The following PDXDC1 variants were observed in gnomAD, a reference collection of about 807,000 sequenced individuals.
The protein encoded by PDXDC1 is pyridoxal dependent decarboxylase domain containing 1, also known as pyridoxal-dependent decarboxylase domain-containing protein 1.
In PDXDC1, 42 loss-of-function variants were observed where a neutral mutation model predicts 100.1. That is an observed-to-expected ratio of 0.42 (90% confidence interval 0.33 to 0.54). PDXDC1 has a LOEUF of 0.54. Among genes scored for constraint, PDXDC1 ranks in the 20% least tolerant of loss-of-function variants. The pLI is 0.10. For missense variants in PDXDC1, 636 were observed against 979.2 expected (o/e 0.65, Z 4.68); for synonymous variants, 260 against 371.7 (o/e 0.70, Z 3.46).
At chr16:15,024,154 CTCTGTCCCT>C (rs1456086222) in intron 13 of PDXDC1, among the ~76,000 whole-genome samples, 1 of 152,280 alleles carries the variant, frequency 6.6e-6, no homozygotes, top group Non-Finnish European at 1.5e-5. Flanking sequence ...AGAAAGCCTG[CTCTGTCCCT>C]TCTTCCAATG....
At chr16:15,148,520 C>A in the PDXDC1 span, among the ~76,000 whole-genome samples, 6 of 151,064 alleles carry the variant, frequency 4.0e-5, no homozygotes, top group African/African-American at 1.5e-4. Flanking sequence ...ATAGCTGGGA[C>A]CACAGATGCA....
intron 16 of PDXDC1, among the ~76,000 whole-genome samples, chr16:15,101,924 C>T (rs1166697993): frequency 6.6e-6 from 1 of 152,016 alleles, no homozygotes; most frequent in Admixed American, 6.6e-5. Flanking sequence ...TCTTGGCTCA[C>T]CGCAACCTCC....
rs1413843596 is a variant in PDXDC1 at position 15,106,319 on chromosome 16, C to T, written c.1400-32560C>T. 7 of 1,015,142 alleles carry T rather than the reference C, an allele frequency of 6.9e-6. No individual in the cohort carries two copies. In the Admixed American group the frequency reaches 9.1e-5, roughly 13 times the overall value. 62.9% of individuals were successfully genotyped at this position (1,015,142 alleles called of 1,614,324 possible). A position where few individuals can be genotyped will look rare whatever the true frequency, so the allele number is the denominator to read the frequency against. Reference sequence around the variant, plus strand: ...AACGCTTGCGCACGTTGAAACATTTCCCTATGGATTACAATCACTTTCATC... The same window carrying T: ...AACGCTTGCGCACGTTGAAACATTTTCCTATGGATTACAATCACTTTCATC... On this transcript the variant is annotated intron_variant, in intron 16 of 16. Coordinates refer to the PDXDC1 transcript ENST00000535621.
chr16:15,062,858 G>T (rs1202045064), intron 16 of PDXDC1, among the ~76,000 whole-genome samples: 3 of 152,172 alleles, frequency 2.0e-5, no homozygotes, highest in Non-Finnish European at 4.4e-5. Flanking sequence ...AGTAAGACAC[G>T]GTTTTGGTGT....
chr16:15,062,649 C>A (rs2044760990), intron 16 of PDXDC1, among the ~76,000 whole-genome samples: 1 of 152,168 alleles, frequency 6.6e-6, no homozygotes, highest in African/African-American at 2.4e-5. Context: ...GCAATTTCAA[C>A]ATGAGTCAAC....
chr16:15,084,230 A>C (rs1352845793), intron 16 of PDXDC1, among the ~76,000 whole-genome samples: 1 of 152,192 alleles, frequency 6.6e-6, no homozygotes, highest in Non-Finnish European at 1.5e-5. Flanking sequence ...AAGTTAACAA[A>C]TAATCAACGG....
chr16:15,093,933 G>A, intron 16 of PDXDC1: 2 of 579,910 alleles, frequency 3.4e-6, no homozygotes, highest in South Asian at 4.4e-5. Flanking sequence ...GGGGCCTCCA[G>A]AACAGAGAAC....
At chr16:15,026,994 CA>C (rs1244230658) in intron 14 of PDXDC1, among the ~76,000 whole-genome samples, 2 of 151,906 alleles carry the variant, frequency 1.3e-5, no homozygotes, top group Non-Finnish European at 2.9e-5. Flanking sequence ...TCTTACTTCC[CA>C]CATATTTTGA....
intron 13 of PDXDC1, among the ~76,000 whole-genome samples, chr16:15,024,646 C>T (rs192731461): frequency 1.4e-4 from 22 of 152,360 alleles, no homozygotes; most frequent in African/African-American, 2.4e-4. Context: ...CTCTTGACCT[C>T]GTGATCCACC....
At chr16:15,128,052 A>C (rs2047841655) in intron 16 of PDXDC1, 9 of 1,605,814 alleles carry the variant, frequency 5.6e-6, no homozygotes, top group Non-Finnish European at 7.7e-6. Flanking sequence ...ACCGAAAGCC[A>C]GTCATTGACC....
At chr16:15,040,377 T>C (rs2043759732), downstream of PDXDC1, 1 of 318,920 alleles carries the variant, frequency 3.1e-6, no homozygotes, top group South Asian at 8.5e-5. Flanking sequence ...CCTACTGGTG[T>C]ACGGCCAGGG....
At chr16:15,097,550 G>A (rs1318220856) in intron 16 of PDXDC1, among the ~76,000 whole-genome samples, 1 of 150,630 alleles carries the variant, frequency 6.6e-6, no homozygotes, top group Non-Finnish European at 1.5e-5. Flanking sequence ...GCTGAGGCAG[G>A]AGAATGGCAT....
rs567285758 is a variant in PDXDC1 at position 15,096,735 on chromosome 16, C to T, written c.1400-42144C>T. Among the ~76,000 whole-genome samples the T allele has an allele frequency of 2.0e-4, 31 of 152,376 alleles. No homozygotes were observed. In the South Asian group the frequency reaches 5.6e-3, roughly 27 times the overall value. On this transcript the variant is annotated intron_variant, in intron 16 of 16. Coordinates refer to the PDXDC1 transcript ENST00000535621. ...TCTCATTGTCTAGCCCAAGTTAGAG[C>T]GCAATGGCGCGATCATGGCTCGTTG...
chr16:15,100,458 C>G (rs1299257891), intron 16 of PDXDC1, among the ~76,000 whole-genome samples: 4 of 152,102 alleles, frequency 2.6e-5, no homozygotes, highest in Non-Finnish European at 2.9e-5. Flanking sequence ...AAATACAAAG[C>G]AGTTTCTTAG....
chr16:15,125,681 G>C (rs775090269), intron 16 of PDXDC1: 2 of 1,367,114 alleles, frequency 1.5e-6, no homozygotes, highest in Non-Finnish European at 2.1e-6. Context: ...ACCCCCAGTA[G>C]AGCCCTCACC....
At position 15,008,325 on chromosome 16, in the gene PDXDC1, G is replaced by A. The variant is rs369351632; in HGVS notation, c.580-454G>A. Among the ~76,000 whole-genome samples the A allele has an allele frequency of 9.2e-5, 14 of 152,398 alleles. No homozygotes were observed. The East Asian group carries it at 2.1e-3, about 23-fold the overall frequency. On this transcript the variant is annotated intron_variant, in intron 6 of 22. Transcript: ENST00000396410. ...ACTGACTTCACTTCTCTTGAGAAAT[G>A]TGCATCTGCTAATCCATATTTATTA...
In PDXDC1 at chr16:15,128,427, C is replaced by T. The variant is rs771662751; in HGVS notation, c.1400-10452C>T. On this transcript the variant is annotated intron_variant, in intron 16 of 16. Transcript: ENST00000535621. Reference sequence around the variant, plus strand: ...AGGGAGGGGTGGGAGGCTCGGTCTGCTGCCCAACACGTGTGGCATCCCAGG... The same window carrying T: ...AGGGAGGGGTGGGAGGCTCGGTCTGTTGCCCAACACGTGTGGCATCCCAGG... The T allele has an allele frequency of 1.1e-4, 135 of 1,205,560 alleles. 1 individual carries two copies. The highest frequency in any genetic ancestry group is 1.5e-4 in the Non-Finnish European group (128 of 828,710). The allele number at this position is 1,205,560 out of a possible 1,614,324, so 74.7% of individuals were successfully genotyped here. A position where few individuals can be genotyped will look rare whatever the true frequency, so the allele number is the denominator to read the frequency against.
At chr16:15,014,997 G>C (rs1354165078) in intron 8 of PDXDC1, among the ~76,000 whole-genome samples, 6 of 152,290 alleles carry the variant, frequency 3.9e-5, no homozygotes, top group African/African-American at 1.4e-4. Flanking sequence ...GAGTGCAGTG[G>C]CACGATCTCG....
chr16:15,145,132 G>A, the PDXDC1 span, among the ~76,000 whole-genome samples: 1 of 152,224 alleles, frequency 6.6e-6, no homozygotes, highest in African/African-American at 2.4e-5. Context: ...CGGGCAGCCA[G>A]CAGGGTCCAG....
Sources: allele counts gnomAD v4.1 joint callset (sites outside exome capture counted in the v4.1 genomes callset), GRCh38; gene constraint gnomAD v4.1.1; transcripts MANE v1.5; gene names NCBI Gene and HGNC (gene_info 2026-07-23, HGNC 2026-07-21).